ZNF180: variants seen among roughly 807,000 people sequenced by gnomAD.
ZNF180 encodes zinc finger protein 180 (HHZ168).
In ZNF180, 11 loss-of-function variants were observed where a neutral mutation model predicts 11.8. The ratio of observed to expected loss-of-function variants is 0.93; its 90% CI spans 0.59 to 1.55. ZNF180 has a LOEUF of 1.55. Among genes scored for constraint, ZNF180 ranks in the 40% most tolerant of loss-of-function variants. The probability of loss-of-function intolerance (pLI) is 0.00; values close to 1 mark genes in which losing one functional copy is unlikely to be tolerated. For synonymous variants in ZNF180, 287 were observed against 257.7 expected, an observed-to-expected ratio of 1.11 and a Z score of -1.09; for missense variants, 773 against 781.7, an observed-to-expected ratio of 0.99 and a Z score of 0.13.
chr19:44,484,693 A>C (rs3745146), intron 2 of ZNF180: 59,018 of 518,508 alleles, frequency 0.11, 4,333 homozygotes, highest in East Asian at 0.33. Flanking sequence ...AGCCCATTGC[A>C]GCTAAATGCA....
At chr19:44,489,041 C>A (rs1035052683) in intron 2 of ZNF180, among the ~76,000 whole-genome samples, 13 of 150,842 alleles carry the variant, frequency 8.6e-5, no homozygotes, top group Non-Finnish European at 8.9e-5. Flanking sequence ...GCAGCCACCC[C>A]GTCCGGGAGG....
At chr19:44,489,992 AGC>A (rs1348692462) in intron 2 of ZNF180, among the ~76,000 whole-genome samples, 12 of 98,124 alleles carry the variant, frequency 1.2e-4, no homozygotes, top group African/African-American at 4.9e-4. Context: ...AGAAAGAAAA[AGC>A]AAGAAAGAAA....
At chr19:44,500,201 C>A in intron 1 of ZNF180, 74 bp downstream of exon 1, 1 of 1,614,190 alleles carries the variant, frequency 6.2e-7, no homozygotes, top group Middle Eastern at 1.6e-4. Flanking sequence ...CACTCACCAC[C>A]GCTTCCAGCT....
chr19:44,487,283 A>C (rs1232672542), intron 2 of ZNF180, among the ~76,000 whole-genome samples: 1 of 152,230 alleles, frequency 6.6e-6, no homozygotes, highest in Non-Finnish European at 1.5e-5. Context: ...CAAACCTAAA[A>C]ACACCACTGT....
chr19:44,497,312 G>A lies in ZNF180; in HGVS notation c.23C>T (p.Pro8Leu), dbSNP rs976439859. 4 of 1,595,620 alleles carry A rather than the reference G, an allele frequency of 2.5e-6. No individual in the cohort carries two copies. The highest frequency in any genetic ancestry group is 2.6e-6 in the Non-Finnish European group (3 of 1,173,992). The change falls in exon 2 of 5, where the codon CCC (proline) becomes CTC (leucine). Residue 8 changes from proline (P) to leucine (L), a missense_variant. Pro to Leu is a moderately conservative substitution (Grantham distance 98, BLOSUM62 -3). Coordinates refer to ENST00000592529, the MANE Select transcript of ZNF180 (RefSeq NM_001278509.3). MEEQDEK[P>L]PEPPKVCAQD... ...TGCACAGACCTTCGGGGGCTCTGGG[G>A]GCTTCTCATCCTGCTCTTCCATGCT...
intron 4 of ZNF180, 22 bp from the exon 5 acceptor site, chr19:44,478,168 C>G (rs757605195): frequency 6.6e-7 from 1 of 1,511,632 alleles, no homozygotes; most frequent in Non-Finnish European, 8.8e-7. Flanking sequence ...CAATATAAGA[C>G]ATCTTAGTCA....
At chr19:44,478,262 G>A (rs1031593318) in intron 4 of ZNF180, 116 bp from the exon 5 acceptor site, 41 of 1,145,500 alleles carry the variant, frequency 3.6e-5, no homozygotes, top group Middle Eastern at 2.9e-4. Flanking sequence ...AATACTGACC[G>A]ATAACCTAGG....
At chr19:44,484,331 G>A (rs370299710) in intron 3 of ZNF180, 30 bp downstream of exon 3, 13 of 1,553,792 alleles carry the variant, frequency 8.4e-6, no homozygotes, top group Non-Finnish European at 8.9e-6. Flanking sequence ...ACATTTCTCA[G>A]TGTAAAGACA....
intron 3 of ZNF180, 145 bp from the exon 4 acceptor site, chr19:44,479,554 A>G: frequency 9.0e-7 from 1 of 1,109,166 alleles, no homozygotes. Context: ...GATTCCAGTC[A>G]AGATGTACAG....
At position 44,488,833 on chromosome 19, in the gene ZNF180, G is replaced by A. The variant is rs569773680; in HGVS notation, c.52-4398C>T. Among the ~76,000 whole-genome samples the A allele has an allele frequency of 5.0e-3, 758 of 151,414 alleles. 5 individuals carry two copies. The highest frequency in any genetic ancestry group is 0.015 in the African/African-American group (615 of 41,292). ...TAGGAAGTGAGGAGCACCTCTGCCC[G>A]GCCGCAACCCCGTCTGGGAGGTGAG... On this transcript the variant is annotated intron_variant, in intron 2 of 4. Coordinates refer to ENST00000592529, the MANE Select transcript of ZNF180 (RefSeq NM_001278509.3).
At chr19:44,492,866 C>T (rs1970484387) in intron 2 of ZNF180, among the ~76,000 whole-genome samples, 1 of 152,154 alleles carries the variant, frequency 6.6e-6, no homozygotes, top group South Asian at 2.1e-4. Flanking sequence ...GGTGTGTTTC[C>T]ATCTCTTCCT....
In ZNF180 at chr19:44,477,479, GGTTTCACTACA is replaced by G; in HGVS notation, c.910_920del (p.Cys304LeufsTer3). 1 of 1,614,028 alleles carries G rather than the reference GGTTTCACTACA, an allele frequency of 6.2e-7. No individual in the cohort carries two copies. On this transcript the variant is annotated frameshift_variant, in exon 5 of 5. Transcript: ENST00000592529. LOFTEE classifies it low-confidence loss of function (END_TRUNC). The stretch of plus-strand genomic sequence containing the variant: ...TTTGAGTAAGGGAGGAACTATGAGA[GGTTTCACTACA>G]TTTATATTGACTCTCTTCAAAAGGA...
chr19:44,479,543 A>G, intron 3 of ZNF180, 134 bp from the exon 4 acceptor site: 1 of 1,249,180 alleles, frequency 8.0e-7, no homozygotes, highest in South Asian at 1.3e-5. Context: ...AGTGCCCAAA[A>G]GATTCCAGTC....
Position 44,477,633 on chromosome 19 carries a change from C to G in ZNF180, c.767G>C (p.Cys256Ser). Residue 256 changes from cysteine to serine, a missense_variant, in exon 5 of 5, where the codon TGC becomes TCC. Cys to Ser is a moderately radical substitution (Grantham distance 112). Coordinates refer to ENST00000592529, the MANE Select transcript of ZNF180 (RefSeq NM_001278509.3). Reference protein sequence around the residue: ...YGFSDRIQSFCHGTPLHIHEK... With the variant: ...YGFSDRIQSFSHGTPLHIHEK... ...ATGTATATGTAGGGGTGTACCATGG[C>G]AAAAAGATTGAATACGGTCACTAAA... 1 of 1,613,862 alleles carries G rather than the reference C, an allele frequency of 6.2e-7. No homozygotes were observed. Among genetic ancestry groups the G allele is most frequent in the Non-Finnish European group, 8.5e-7 (1 of 1,179,914 alleles).
chr19:44,476,429 A>C lies in ZNF180; in HGVS notation c.1971T>G (p.Thr657=). 6.2e-7 allele frequency: 1 copy of C among 1,600,740 alleles called. No homozygotes were observed. Among genetic ancestry groups the C allele is most frequent in the South Asian group, 1.1e-5 (1 of 88,792 alleles). ...YKLIRHQATH[T]EEKLYECN ...AGTTACATTCATAGAGTTTCTCTTC[A>C]GTATGAGTTGCCTGATGCCTAATAA... The change falls in exon 5 of 5, where the codon ACT becomes ACG. Residue 657 remains threonine, a synonymous_variant. Transcript: ENST00000592529.
At position 44,477,205 on chromosome 19, in the gene ZNF180, C is replaced by A. The variant is rs745363258; in HGVS notation, c.1195G>T (p.Val399Leu). The change falls in exon 5 of 5, where the codon GTG becomes TTG. Residue 399 changes from valine (V) to leucine (L), a missense_variant. By Grantham distance (32) the Val-to-Leu change is conservative (BLOSUM62 1). Transcript: ENST00000592529. ...KSFSQSYVLV[V>L]HQRTHTGEKP... Reference sequence around the variant, plus strand: ...TCCCCAGTATGAGTTCTTTGATGCACAACAAGGACATAACTCTGGCTAAAG... The same window carrying A: ...TCCCCAGTATGAGTTCTTTGATGCAAAACAAGGACATAACTCTGGCTAAAG... 7.4e-6 allele frequency: 12 copies of A among 1,614,014 alleles called. No homozygotes were observed. Among genetic ancestry groups the A allele is most frequent in the Non-Finnish European group, 1.0e-5 (12 of 1,180,006 alleles).
At chr19:44,499,923 C>T (rs1014481626) in intron 1 of ZNF180, among the ~76,000 whole-genome samples, 2 of 152,214 alleles carry the variant, frequency 1.3e-5, no homozygotes, top group Non-Finnish European at 2.9e-5. Flanking sequence ...TGGAGCACTC[C>T]ATCAACCCGG....
At chr19:44,488,066 C>CAG (rs1970280169) in intron 2 of ZNF180, among the ~76,000 whole-genome samples, 7 of 105,434 alleles carry the variant, frequency 6.6e-5, no homozygotes, top group African/African-American at 2.1e-4. Flanking sequence ...CTCGCCCTTG[C>CAG]CCTCTCCCTC....
chr19:44,486,644 C>T (rs1314148559), intron 2 of ZNF180, among the ~76,000 whole-genome samples: 2 of 152,146 alleles, frequency 1.3e-5, no homozygotes, highest in African/African-American at 4.8e-5. Flanking sequence ...CAGTTCATAC[C>T]TGTAATCACA....
Sources: gnomAD v4.1 joint callset for allele counts (sites outside exome capture counted in the v4.1 genomes callset) on GRCh38, gnomAD v4.1.1 for gene constraint, MANE v1.5 for transcripts, NCBI Gene and HGNC (gene_info 2026-07-23, HGNC 2026-07-21) for gene names.